Variants in PALM2AKAP2 observed in about 807,000 individuals in gnomAD.
The protein encoded by PALM2AKAP2 is PALM2-AKAP2 fusion protein.
A neutral mutation model predicts 71.5 loss-of-function variants in PALM2AKAP2; 37 were observed. That is an observed-to-expected ratio of 0.52 (90% CI 0.40 to 0.68). The LOEUF (loss-of-function observed/expected upper bound fraction) is 0.68, where lower values mean the gene tolerates loss of function less well. Among genes scored for constraint, PALM2AKAP2 ranks in the 30% least tolerant of loss-of-function variants. The pLI, the probability that PALM2AKAP2 is intolerant of heterozygous loss-of-function variation, is 0.00. For synonymous variants in PALM2AKAP2, 468 were observed against 478.8 expected (o/e 0.98, Z 0.29); for missense variants, 1,224 against 1,191.8 (o/e 1.03, Z -0.40).
intron 7 of PALM2AKAP2, among the ~76,000 whole-genome samples, chr9:110,030,308 G>C (rs1433697507): frequency 6.6e-6 from 1 of 152,192 alleles, no homozygotes; most frequent in East Asian, 1.9e-4. Flanking sequence ...ACAGAAGTCT[G>C]TTCAGATGTG....
chr9:109,676,188 G>T (rs187714404), intron 1 of PALM2AKAP2, among the ~76,000 whole-genome samples: 1 of 152,104 alleles, frequency 6.6e-6, no homozygotes, highest in Non-Finnish European at 1.5e-5. Context: ...ACTTCCTCAC[G>T]CTCTGCTCCT....
chr9:109,844,095 G>A (rs1189488844), intron 1 of PALM2AKAP2, among the ~76,000 whole-genome samples: 3 of 152,314 alleles, frequency 2.0e-5, no homozygotes, highest in South Asian at 4.1e-4. Flanking sequence ...AGAGCTGGTT[G>A]CAGTAGCTAA....
intron 5 of PALM2AKAP2, among the ~76,000 whole-genome samples, chr9:109,925,843 T>C (rs1830944921): frequency 6.6e-6 from 1 of 152,202 alleles, no homozygotes. Context: ...GGCCCTCAGC[T>C]AGACCTGCTT....
At chr9:109,694,418 G>T (rs1827938832) in intron 1 of PALM2AKAP2, among the ~76,000 whole-genome samples, 1 of 151,826 alleles carries the variant, frequency 6.6e-6, no homozygotes, top group East Asian at 1.9e-4. Flanking sequence ...ATTAAGAGGG[G>T]AAATATAAAC....
intron 6 of PALM2AKAP2, among the ~76,000 whole-genome samples, chr9:109,970,297 G>T (rs148010501): frequency 1.3e-5 from 2 of 152,252 alleles, no homozygotes; most frequent in East Asian, 3.9e-4. Flanking sequence ...TTGTTATTAA[G>T]GGTTCTAAAC....
chr9:109,855,067 G>GC (rs531960730), intron 1 of PALM2AKAP2, among the ~76,000 whole-genome samples: 1,824 of 142,168 alleles, frequency 0.013, 42 homozygotes, highest in African/African-American at 0.045. Context: ...CATGCCTGGT[G>GC]CCCCCCCCTT....
intron 1 of PALM2AKAP2, among the ~76,000 whole-genome samples, chr9:109,685,354 C>T (rs1827793041): frequency 6.6e-6 from 1 of 152,100 alleles, no homozygotes; most frequent in South Asian, 2.1e-4. Context: ...GTAAAACTTT[C>T]TAAATATACA....
intron 6 of PALM2AKAP2, among the ~76,000 whole-genome samples, chr9:110,006,041 A>G (rs1023108949): frequency 2.6e-5 from 4 of 152,110 alleles, no homozygotes; most frequent in African/African-American, 7.2e-5. Context: ...TCCTGCACCC[A>G]CTGTCCAACA....
At chr9:109,906,723 T>C (rs1830454608) in intron 3 of PALM2AKAP2, among the ~76,000 whole-genome samples, 2 of 152,222 alleles carry the variant, frequency 1.3e-5, no homozygotes, top group Non-Finnish European at 2.9e-5. Flanking sequence ...AACCCTTTCA[T>C]ACATCCAAAT....
chr9:109,962,664 A>G (rs1313558518), intron 6 of PALM2AKAP2, among the ~76,000 whole-genome samples: 1 of 149,928 alleles, frequency 6.7e-6, no homozygotes, highest in Non-Finnish European at 1.5e-5. Flanking sequence ...TTTTTGTAAG[A>G]CAGAGTCTTA....
At chr9:109,992,954 TAGAG>T (rs3063881) in intron 6 of PALM2AKAP2, among the ~76,000 whole-genome samples, 24 of 142,728 alleles carry the variant, frequency 1.7e-4, no homozygotes, top group African/African-American at 2.3e-4. Flanking sequence ...TATATATATA[TAGAG>T]AGAGAGAGAG....
intron 1 of PALM2AKAP2, among the ~76,000 whole-genome samples, chr9:109,805,209 C>A (rs1827539471): frequency 6.6e-6 from 1 of 152,182 alleles, no homozygotes; most frequent in African/African-American, 2.4e-5. Flanking sequence ...CCTCCTCCTG[C>A]AGCTCTGTTT....
chr9:109,705,941 C>T (rs1321755732), intron 1 of PALM2AKAP2, among the ~76,000 whole-genome samples: 1 of 152,202 alleles, frequency 6.6e-6, no homozygotes, highest in African/African-American at 2.4e-5. Context: ...ATTCCCCAAT[C>T]CTTCTGCCCT....
intron 1 of PALM2AKAP2, among the ~76,000 whole-genome samples, chr9:109,830,281 G>A (rs1457660780): frequency 1.3e-5 from 2 of 152,196 alleles, no homozygotes; most frequent in Non-Finnish European, 2.9e-5. Context: ...GGAACCAAAT[G>A]CAACTTTCTT....
intron 1 of PALM2AKAP2, among the ~76,000 whole-genome samples, chr9:109,734,503 G>A (rs561930544): frequency 6.6e-6 from 1 of 152,138 alleles, no homozygotes; most frequent in Non-Finnish European, 1.5e-5. Context: ...CATGTGTCTA[G>A]TGTCTACCAC....
intron 1 of PALM2AKAP2, among the ~76,000 whole-genome samples, chr9:110,103,623 C>T (rs574851515): frequency 3.3e-5 from 5 of 152,320 alleles, no homozygotes; most frequent in Non-Finnish European, 5.9e-5. Flanking sequence ...GGAATTAAAA[C>T]GTAGAGTATG....
chr9:109,831,917 G>A (rs550387778), intron 1 of PALM2AKAP2, among the ~76,000 whole-genome samples: 1 of 152,140 alleles, frequency 6.6e-6, no homozygotes, highest in South Asian at 2.1e-4. Context: ...AATTTTAAAA[G>A]CCAATTATTT....
intron 6 of PALM2AKAP2, among the ~76,000 whole-genome samples, chr9:109,939,214 CT>C (rs1403125829): frequency 6.6e-6 from 1 of 152,036 alleles, no homozygotes; most frequent in Admixed American, 6.6e-5. Flanking sequence ...CACTAAACTC[CT>C]TCTTTCTCAT....
At chr9:109,723,150 A>G (rs1828429125) in intron 1 of PALM2AKAP2, among the ~76,000 whole-genome samples, 1 of 152,190 alleles carries the variant, frequency 6.6e-6, no homozygotes, top group Non-Finnish European at 1.5e-5. Flanking sequence ...TGTGGAGGGA[A>G]GGAAAATAAA....
Sources: gnomAD v4.1 joint callset for allele counts (sites outside exome capture counted in the v4.1 genomes callset) on GRCh38, gnomAD v4.1.1 for gene constraint, MANE v1.5 for transcripts, NCBI Gene and HGNC (gene_info 2026-07-23, HGNC 2026-07-21) for gene names.